LINGO2: variants seen among roughly 807,000 people sequenced by gnomAD.
LINGO2 encodes the protein leucine-rich repeat and immunoglobulin-like domain-containing nogo receptor-interacting protein 2.
A neutral mutation model predicts 30.6 loss-of-function variants in LINGO2; 14 were observed. That is an observed-to-expected ratio of 0.46 (90% CI 0.30 to 0.72). The LOEUF (loss-of-function observed/expected upper bound fraction) is 0.72, where lower values mean the gene tolerates loss of function less well. Among genes scored for constraint, LINGO2 ranks in the 30% least tolerant of loss-of-function variants. LINGO2 has a pLI of 0.07. For synonymous variants in LINGO2, 317 were observed against 288.5 expected, an observed-to-expected ratio of 1.10 and a Z score of -1.00; for missense variants, 729 against 751.7, an observed-to-expected ratio of 0.97 and a Z score of 0.35.
chr9:28,001,583 A>C (rs536483596), intron 5 of LINGO2, among the ~76,000 whole-genome samples: 4 of 152,362 alleles, frequency 2.6e-5, no homozygotes, highest in African/African-American at 9.6e-5. Context: ...TTATTTGCCC[A>C]AGTCCAGTGC....
chr9:28,326,575 C>T (rs1825237055), intron 3 of LINGO2, among the ~76,000 whole-genome samples: 1 of 152,164 alleles, frequency 6.6e-6, no homozygotes, highest in Non-Finnish European at 1.5e-5. Flanking sequence ...CCTGGTTCTT[C>T]CATGAGATGG....
the LINGO2 span, among the ~76,000 whole-genome samples, chr9:28,687,963 G>C: frequency 6.6e-6 from 1 of 152,130 alleles, no homozygotes; most frequent in Non-Finnish European, 1.5e-5. Flanking sequence ...GAGGAGAAAT[G>C]TGTCAGCTGC....
intron 3 of LINGO2, among the ~76,000 whole-genome samples, chr9:28,353,063 A>C (rs1160786581): frequency 4.0e-5 from 6 of 149,184 alleles, no homozygotes; most frequent in Admixed American, 1.4e-4. Context: ...AAGAAAACCT[A>C]GGCATTACCA....
intron 1 of LINGO2, among the ~76,000 whole-genome samples, chr9:28,611,211 T>C (rs907013513): frequency 1.3e-5 from 2 of 152,150 alleles, no homozygotes; most frequent in African/African-American, 4.8e-5. Context: ...TTTATTGAGG[T>C]ATAATTGACA....
chr9:28,323,497 G>C lies in LINGO2; in HGVS notation c.-245-28131C>G, dbSNP rs1047873589. On this transcript the variant is annotated intron_variant, in intron 3 of 5. Coordinates refer to ENST00000379992, the Ensembl canonical transcript of LINGO2. Reference sequence around the variant, plus strand: ...CACCTGTAATCCCAGCTAATTGGGAGGCTGAGGCAGGAGAATCACTTGAAC... The same window carrying C: ...CACCTGTAATCCCAGCTAATTGGGACGCTGAGGCAGGAGAATCACTTGAAC... Among the ~76,000 whole-genome samples the C allele has an allele frequency of 5.1e-4, 77 of 152,114 alleles. 1 individual carries two copies. The highest frequency in any genetic ancestry group is 1.7e-3 in the African/African-American group (70 of 41,424).
At chr9:28,496,242 C>A (rs1266447408) in intron 1 of LINGO2, among the ~76,000 whole-genome samples, 1 of 152,028 alleles carries the variant, frequency 6.6e-6, no homozygotes, top group East Asian at 1.9e-4. Flanking sequence ...GTTGATCTGT[C>A]TAATGTTGAC....
At chr9:28,077,704 A>G (rs1344668886) in intron 4 of LINGO2, among the ~76,000 whole-genome samples, 1 of 148,888 alleles carries the variant, frequency 6.7e-6, no homozygotes, top group Non-Finnish European at 1.5e-5. Context: ...AGATGCAAAA[A>G]AATAAAAACC....
the LINGO2 span, among the ~76,000 whole-genome samples, chr9:29,082,556 G>T: frequency 6.6e-6 from 1 of 152,074 alleles, no homozygotes; most frequent in Non-Finnish European, 1.5e-5. Context: ...AAAAGCAATG[G>T]CAACAAAAGC....
the LINGO2 span, among the ~76,000 whole-genome samples, chr9:28,970,571 AG>A: frequency 6.6e-6 from 1 of 152,044 alleles, no homozygotes; most frequent in East Asian, 1.9e-4. Context: ...CAGTGTGCTG[AG>A]GGAGGGAGAG....
intron 5 of LINGO2, among the ~76,000 whole-genome samples, chr9:28,003,783 T>C (rs1402787492): frequency 6.6e-5 from 10 of 152,174 alleles, no homozygotes; most frequent in Non-Finnish European, 5.9e-5. Flanking sequence ...TTATACCAAT[T>C]GGTCTGTGGT....
the LINGO2 span, among the ~76,000 whole-genome samples, chr9:29,004,230 T>C: frequency 6.6e-6 from 1 of 152,022 alleles, no homozygotes. Context: ...TATTTCTCTC[T>C]CTCTTTTTAT....
intron 1 of LINGO2, among the ~76,000 whole-genome samples, chr9:28,572,098 T>G (rs1823723547): frequency 6.6e-6 from 1 of 152,092 alleles, no homozygotes; most frequent in African/African-American, 2.4e-5. Flanking sequence ...GTTCTTGGCA[T>G]GTAAGTCCCT....
At chr9:28,587,441 T>C (rs1056064022) in intron 1 of LINGO2, among the ~76,000 whole-genome samples, 4 of 152,018 alleles carry the variant, frequency 2.6e-5, no homozygotes, top group East Asian at 1.9e-4. Context: ...AATGGTCCCA[T>C]TCAAAGTCAC....
chr9:28,447,941 G>A (rs1318021422), intron 2 of LINGO2, among the ~76,000 whole-genome samples: 1 of 152,122 alleles, frequency 6.6e-6, no homozygotes, highest in African/African-American at 2.4e-5. Context: ...TATGGTCATA[G>A]TGGATGATTT....
At chr9:28,460,950 T>A (rs1825056494) in intron 2 of LINGO2, among the ~76,000 whole-genome samples, 1 of 152,182 alleles carries the variant, frequency 6.6e-6, no homozygotes, top group South Asian at 2.1e-4. Context: ...CCTAACTTTT[T>A]TTTAAAACCC....
At chr9:28,792,797 A>G in the LINGO2 span, among the ~76,000 whole-genome samples, 2 of 152,136 alleles carry the variant, frequency 1.3e-5, no homozygotes, top group African/African-American at 4.8e-5. Context: ...GCAGAAAACA[A>G]GTGACATTTT....
At chr9:27,949,733 C>T (rs1451957793) in exon 6 of LINGO2, 2 of 1,614,114 alleles carry the variant, frequency 1.2e-6, no homozygotes, top group South Asian at 1.1e-5. Context: ...AGGAGTGAGG[C>T]TCAATGGTGC....
the LINGO2 span, among the ~76,000 whole-genome samples, chr9:28,759,815 G>A: frequency 0.19 from 28,323 of 151,938 alleles, 2,778 homozygotes; most frequent in African/African-American, 0.22. Flanking sequence ...TCTCAGAGTG[G>A]AGAGCAATAT....
chr9:28,633,344 C>G (rs1017506966), intron 1 of LINGO2, among the ~76,000 whole-genome samples: 1 of 151,930 alleles, frequency 6.6e-6, no homozygotes. Context: ...CAGAGAATAC[C>G]TTTTCCAGAA....
Sources: allele counts gnomAD v4.1 joint callset (sites outside exome capture counted in the v4.1 genomes callset), GRCh38; gene constraint gnomAD v4.1.1; transcripts MANE v1.5; gene names NCBI Gene and HGNC (gene_info 2026-07-23, HGNC 2026-07-21).